Variants in PTH2R observed in about 807,000 individuals in gnomAD.
PTH2R encodes the protein PTH2 receptor.
Under a neutral mutation model 60.3 loss-of-function variants are expected in PTH2R, and 59 were observed. The observed-to-expected ratio is 0.98, with a 90% CI of 0.79 to 1.22. PTH2R has a LOEUF of 1.22. Ranked by LOEUF, PTH2R falls within the 50% of genes most tolerant of loss-of-function variation. PTH2R has a pLI of 0.00. For synonymous variants in PTH2R, 256 were observed against 243.8 expected (o/e 1.05, Z -0.47); for missense variants, 749 against 682.6 (o/e 1.10, Z -1.08).
intron 9 of PTH2R, among the ~76,000 whole-genome samples, chr2:208,467,923 A>G (rs1217761697): frequency 6.6e-6 from 1 of 152,230 alleles, no homozygotes; most frequent in East Asian, 1.9e-4. Flanking sequence ...AAAAAGGAGG[A>G]AAGTGAAATC....
In PTH2R at chr2:208,422,739, A is replaced by G. The variant is rs189312171; in HGVS notation, c.76-5462A>G. Among the ~76,000 whole-genome samples, 10 of 152,292 alleles carry G rather than the reference A, an allele frequency of 6.6e-5. No homozygotes were observed. In the East Asian group the frequency reaches 1.9e-3, roughly 29 times the overall value. ...AGAACTAACGAGAGTGAACATGTGT[A>G]TCGTTTACCCAGTTCCCCCCTTATC... On this transcript the variant is annotated intron_variant, in intron 1 of 12. Coordinates refer to ENST00000272847, the MANE Select transcript of PTH2R (RefSeq NM_005048.4).
rs142628459 is a variant in PTH2R, at chr2:208,493,569, A to T, written c.1563A>T (p.Gly521=). Residue 521 remains glycine, a synonymous_variant, in exon 13 of 13, where the codon GGA becomes GGT. Transcript: ENST00000272847. Reference sequence around the variant, plus strand: ...CCAAGGAAGATAGTGGGAGGCAGGGAGATGATATTCTAATGGAGAAGCCTT... The same window carrying T: ...CCAAGGAAGATAGTGGGAGGCAGGGTGATGATATTCTAATGGAGAAGCCTT... The part of the protein sequence containing the change: ...EETKEDSGRQ[G]DDILMEKPSR... The T allele has an allele frequency of 1.2e-6, 2 of 1,613,316 alleles. No homozygotes were observed. Among genetic ancestry groups the T allele is most frequent in the African/African-American group, 2.7e-5 (2 of 74,934 alleles).
intron 9 of PTH2R, among the ~76,000 whole-genome samples, chr2:208,461,695 G>A (rs567749565): frequency 6.6e-6 from 1 of 152,320 alleles, no homozygotes; most frequent in African/African-American, 2.4e-5. Flanking sequence ...GCAAAGGACA[G>A]TGGAGAAAAG....
chr2:208,377,960 C>T (rs1225003847), intron 1 of PTH2R, among the ~76,000 whole-genome samples: 2 of 152,136 alleles, frequency 1.3e-5, no homozygotes, highest in East Asian at 3.9e-4. Context: ...TCCTCACTTC[C>T]CAGACGGGGT....
chr2:208,454,241 TGCGCTTTGCTCTCATGGTCAA>T (rs1429276795), intron 8 of PTH2R, among the ~76,000 whole-genome samples: 1 of 152,208 alleles, frequency 6.6e-6, no homozygotes, highest in Non-Finnish European at 1.5e-5. Flanking sequence ...TTCAGGTAAC[TGCGCTTTGCTCTCATGGTCAA>T]GCTTATTGCT....
In PTH2R at chr2:208,489,411, CTTG is replaced by C. The variant is rs1197467058; in HGVS notation, c.1215+266_1215+268del. Among the ~76,000 whole-genome samples the C allele has an allele frequency of 2.0e-5, 3 of 152,206 alleles. No homozygotes were observed. The East Asian group carries it at 5.8e-4, about 29-fold the overall frequency. ...GCCTGGACAGAGAGATAAGGAACAT[CTTG>C]TTGTAAAATATGTAACACCTATAAG... On this transcript the variant is annotated intron_variant, in intron 11 of 12. Transcript: ENST00000272847.
intron 1 of PTH2R, among the ~76,000 whole-genome samples, chr2:208,387,019 ATTTTTATC>A (rs1559204887): frequency 6.6e-6 from 1 of 152,152 alleles, no homozygotes; most frequent in Non-Finnish European, 1.5e-5. Context: ...ATTTTAATCT[ATTTTTATC>A]TTTTCTACGA....
At chr2:208,428,892 G>T (rs556260875) in intron 2 of PTH2R, among the ~76,000 whole-genome samples, 10 of 152,066 alleles carry the variant, frequency 6.6e-5, no homozygotes, top group Non-Finnish European at 1.0e-4. Context: ...CCAGACCAGC[G>T]TGGCCAACAT....
chr2:208,466,106 T>A (rs1311901848), intron 9 of PTH2R: 1 of 152,244 alleles, frequency 6.6e-6, no homozygotes, highest in Non-Finnish European at 1.5e-5. Flanking sequence ...CACAGTCATT[T>A]ACTTAGGTGC....
intron 1 of PTH2R, among the ~76,000 whole-genome samples, chr2:208,382,843 G>A (rs978836629): frequency 3.9e-5 from 6 of 152,202 alleles, no homozygotes; most frequent in Non-Finnish European, 7.3e-5. Context: ...AGCACACTGT[G>A]ATATTCTCTG....
chr2:208,491,676 C>CGT (rs1703406852), intron 12 of PTH2R, among the ~76,000 whole-genome samples: 2 of 151,914 alleles, frequency 1.3e-5, no homozygotes, highest in South Asian at 4.2e-4. Flanking sequence ...TCCTACCCCC[C>CGT]GCCCCCCAAG....
intron 10 of PTH2R, among the ~76,000 whole-genome samples, chr2:208,487,436 A>G (rs1703297164): frequency 6.6e-6 from 1 of 152,238 alleles, no homozygotes; most frequent in Admixed American, 6.5e-5. Flanking sequence ...AATAATTCAC[A>G]GAGAAAGGGA....
In PTH2R at chr2:208,408,839, C is replaced by T. The variant is rs973287311; in HGVS notation, c.75+1721C>T. Among the ~76,000 whole-genome samples, 9 of 152,084 alleles carry T rather than the reference C, an allele frequency of 5.9e-5. No individual in the cohort carries two copies. The East Asian group carries it at 1.7e-3, about 29-fold the overall frequency. ...TTTGCTTTCAATAAAACAATCAGGA[C>T]ATTGAATACTTCTATAACTTTAAAC... On this transcript the variant is annotated intron_variant, in intron 1 of 12. Transcript: ENST00000272847.
At chr2:208,441,011 G>A (rs1024005812) in intron 4 of PTH2R, among the ~76,000 whole-genome samples, 10 of 152,158 alleles carry the variant, frequency 6.6e-5, no homozygotes, top group African/African-American at 2.4e-4. Flanking sequence ...CAGCCCACAG[G>A]CCAGGAGAAG....
intron 9 of PTH2R, among the ~76,000 whole-genome samples, chr2:208,468,146 A>C (rs1490947990): frequency 6.6e-6 from 1 of 152,138 alleles, no homozygotes; most frequent in East Asian, 1.9e-4. Flanking sequence ...ACCTCATATT[A>C]CTTTAGAACC....
chr2:208,395,459 T>G (rs1574835343), intron 1 of PTH2R, among the ~76,000 whole-genome samples: 1 of 152,264 alleles, frequency 6.6e-6, no homozygotes, highest in East Asian at 1.9e-4. Context: ...TTAGAAATAT[T>G]GTGTGCTCAC....
In PTH2R at chr2:208,492,011, G is replaced by A. The variant is rs376963401; in HGVS notation, c.1258-1253G>A. Among the ~76,000 whole-genome samples, 61 of 152,314 alleles carry A rather than the reference G, an allele frequency of 4.0e-4. 2 individuals are homozygous for A. The South Asian group carries it at 0.011, about 26-fold the overall frequency. Reference sequence around the variant, plus strand: ...TGATTTGTTTTTGCCAAGATGAACAGATAGAAGTTTGTTGTTTCAGGTGAC... The same window carrying A: ...TGATTTGTTTTTGCCAAGATGAACAAATAGAAGTTTGTTGTTTCAGGTGAC... On this transcript the variant is annotated intron_variant, in intron 12 of 12. Transcript: ENST00000272847.
At chr2:208,386,605 A>C (rs750090481) in intron 1 of PTH2R, among the ~76,000 whole-genome samples, 4 of 152,210 alleles carry the variant, frequency 2.6e-5, no homozygotes, top group Non-Finnish European at 2.9e-5. Context: ...TGTGTGGCTT[A>C]AACGGCAGAC....
chr2:208,467,640 A>AAAC (rs1702783045), intron 9 of PTH2R, among the ~76,000 whole-genome samples: 1 of 152,168 alleles, frequency 6.6e-6, no homozygotes, highest in African/African-American at 2.4e-5. Flanking sequence ...ATTGGAGGAA[A>AAAC]AACAAGCTTG....
Sources: gnomAD v4.1 joint callset for allele counts (sites outside exome capture counted in the v4.1 genomes callset) on GRCh38, gnomAD v4.1.1 for gene constraint, MANE v1.5 for transcripts, NCBI Gene and HGNC (gene_info 2026-07-23, HGNC 2026-07-21) for gene names.